The following CCDC192 variants were observed in gnomAD, a reference collection of about 807,000 sequenced individuals.
CCDC192 encodes the protein coiled-coil domain containing 192, also known as coiled-coil domain-containing protein 192.
chr5:127,738,513 T>A (rs531107941), intron 2 of CCDC192, among the ~76,000 whole-genome samples: 1 of 144,108 alleles, frequency 6.9e-6, no homozygotes, highest in African/African-American at 2.6e-5. Context: ...CTGGATAATA[T>A]CCTGCAGAGT....
At chr5:127,908,975 T>C (rs1753272241) in intron 6 of CCDC192, among the ~76,000 whole-genome samples, 1 of 152,192 alleles carries the variant, frequency 6.6e-6, no homozygotes, top group African/African-American at 2.4e-5. Flanking sequence ...AAATGTAACT[T>C]TATTATTGTT....
At chr5:127,798,710 A>T (rs929700328) in intron 5 of CCDC192, among the ~76,000 whole-genome samples, 17 of 150,806 alleles carry the variant, frequency 1.1e-4, no homozygotes, top group African/African-American at 3.9e-4. Flanking sequence ...TTTTTTATAC[A>T]TTTTTTATAC....
chr5:127,702,991 C>T (rs558155129), upstream of CCDC192, among the ~76,000 whole-genome samples: 1 of 152,144 alleles, frequency 6.6e-6, no homozygotes, highest in Non-Finnish European at 1.5e-5. Context: ...CTGGGGCCGG[C>T]GGGTCCCAGG....
At chr5:127,855,908 G>C (rs1258287692) in intron 5 of CCDC192, among the ~76,000 whole-genome samples, 2 of 152,174 alleles carry the variant, frequency 1.3e-5, no homozygotes, top group African/African-American at 4.8e-5. Flanking sequence ...ACCAGACTTT[G>C]TCGTTCCATT....
chr5:127,752,845 T>G (rs790840), intron 2 of CCDC192, among the ~76,000 whole-genome samples: 1 of 151,968 alleles, frequency 6.6e-6, no homozygotes, highest in Non-Finnish European at 1.5e-5. Flanking sequence ...GTTGGAAAAG[T>G]GCGGTATTCG....
At chr5:127,924,917 G>A (rs1753823481) in intron 6 of CCDC192, among the ~76,000 whole-genome samples, 4 of 151,934 alleles carry the variant, frequency 2.6e-5, no homozygotes, top group Admixed American at 6.6e-5. Context: ...TATCTCACAA[G>A]TACAGAGGAG....
intron 5 of CCDC192, among the ~76,000 whole-genome samples, chr5:127,838,910 C>CT (rs955566652): frequency 2.6e-5 from 4 of 152,184 alleles, no homozygotes; most frequent in African/African-American, 9.7e-5. Flanking sequence ...CTCAAACACA[C>CT]TGACAGCCTG....
intron 6 of CCDC192, among the ~76,000 whole-genome samples, chr5:127,939,765 C>T (rs186121152): frequency 4.4e-4 from 67 of 151,974 alleles, no homozygotes; most frequent in Non-Finnish European, 5.9e-5. Context: ...TACCTAATAG[C>T]AGCAGGCTTT....
In CCDC192 at chr5:127,716,671, A is replaced by G. The variant is rs1751638343; in HGVS notation, c.114+8911A>G. On this transcript the variant is annotated intron_variant, in intron 2 of 6. Coordinates refer to ENST00000514853, the MANE Select transcript of CCDC192 (RefSeq NM_001317938.2). ...TTATATTTAGGTCTATAATCTCTCT[A>G]GAAATTTCCCTCAGCTGAGGGAGCT... is the stretch of plus-strand genomic sequence containing the variant. 3.9e-5 allele frequency among the ~76,000 whole-genome samples: 6 copies of G among 152,300 alleles called. No individual in the cohort carries two copies. The South Asian group carries it at 1.2e-3, about 32-fold the overall frequency.
At chr5:127,876,350 T>C (rs1053947855) in intron 6 of CCDC192, among the ~76,000 whole-genome samples, 2 of 152,200 alleles carry the variant, frequency 1.3e-5, no homozygotes, top group Non-Finnish European at 2.9e-5. Flanking sequence ...AAGCATTCCA[T>C]GTCTATTTAA....
intron 3 of CCDC192, among the ~76,000 whole-genome samples, chr5:127,776,112 T>C (rs904446099): frequency 6.6e-6 from 1 of 152,102 alleles, no homozygotes; most frequent in Non-Finnish European, 1.5e-5. Context: ...TGGGCAGAGG[T>C]TGGAAAAGTT....
At chr5:127,825,659 A>G (rs777499408) in intron 5 of CCDC192, among the ~76,000 whole-genome samples, 1 of 152,170 alleles carries the variant, frequency 6.6e-6, no homozygotes. Flanking sequence ...TCTTCCTTTT[A>G]TTTATAGCCA....
intron 2 of CCDC192, among the ~76,000 whole-genome samples, chr5:127,728,865 A>C (rs1752480286): frequency 6.6e-6 from 1 of 152,110 alleles, no homozygotes; most frequent in Non-Finnish European, 1.5e-5. Flanking sequence ...TACCAAGCAA[A>C]TGCAAAGTAG....
At chr5:127,880,382 C>T (rs1347025995) in intron 6 of CCDC192, among the ~76,000 whole-genome samples, 2 of 144,462 alleles carry the variant, frequency 1.4e-5, no homozygotes, top group African/African-American at 5.2e-5. Flanking sequence ...TATTCTCACT[C>T]ATAGGTGGGA....
intron 5 of CCDC192, among the ~76,000 whole-genome samples, chr5:127,845,203 C>G (rs940279560): frequency 6.6e-6 from 1 of 152,164 alleles, no homozygotes; most frequent in Admixed American, 6.5e-5. Flanking sequence ...GTTCTTGCCT[C>G]CATGTCAGTC....
intron 5 of CCDC192, among the ~76,000 whole-genome samples, chr5:127,808,257 C>G (rs1757901256): frequency 6.6e-6 from 1 of 152,040 alleles, no homozygotes; most frequent in Non-Finnish European, 1.5e-5. Flanking sequence ...CATTTTACTT[C>G]TCTGCCCTTA....
intron 5 of CCDC192, among the ~76,000 whole-genome samples, chr5:127,832,604 TG>T (rs899779258): frequency 1.3e-5 from 2 of 152,212 alleles, no homozygotes; most frequent in African/African-American, 4.8e-5. Context: ...TGATTGCCTC[TG>T]GGGGGAATAA....
intron 6 of CCDC192, among the ~76,000 whole-genome samples, chr5:127,893,738 A>G (rs963678745): frequency 1.3e-5 from 2 of 152,216 alleles, no homozygotes; most frequent in African/African-American, 4.8e-5. Context: ...TTCTGAATTG[A>G]ATCTTTCACA....
chr5:127,780,667 AC>A (rs1440309297), intron 3 of CCDC192, among the ~76,000 whole-genome samples: 1 of 151,602 alleles, frequency 6.6e-6, no homozygotes, highest in Non-Finnish European at 1.5e-5. Context: ...TTTTGATGGG[AC>A]TGCTTGTTTT....
Sources: gnomAD v4.1 joint callset for allele counts (sites outside exome capture counted in the v4.1 genomes callset) on GRCh38, gnomAD v4.1.1 for gene constraint, MANE v1.5 for transcripts, NCBI Gene and HGNC (gene_info 2026-07-23, HGNC 2026-07-21) for gene names.